Variants in KIF26B observed in about 807,000 individuals in gnomAD.
The protein encoded by KIF26B is kinesin family member 26B, also known as kinesin-like protein KIF26B.
Under a neutral mutation model 151.2 loss-of-function variants are expected in KIF26B, and 63 were observed. The ratio of observed to expected loss-of-function variants is 0.42; its 90% CI spans 0.34 to 0.51. The LOEUF is 0.51. Among genes scored for constraint, KIF26B ranks in the 20% least tolerant of loss-of-function variants. KIF26B has a pLI of 0.07. For synonymous variants in KIF26B, 1,357 were observed against 1,262.1 expected, an observed-to-expected ratio of 1.08 and a Z score of -1.59; for missense variants, 2,813 against 2,913.6, an observed-to-expected ratio of 0.97 and a Z score of 0.79.
intron 4 of KIF26B, among the ~76,000 whole-genome samples, chr1:245,496,033 A>G (rs28415990): frequency 2.8e-4 from 43 of 152,332 alleles, no homozygotes; most frequent in African/African-American, 8.7e-4. Context: ...GAAAGAATCC[A>G]TCATCAGTAG....
intron 2 of KIF26B, among the ~76,000 whole-genome samples, chr1:245,329,446 A>G (rs1272909106): frequency 1.3e-5 from 2 of 152,208 alleles, no homozygotes; most frequent in African/African-American, 4.8e-5. Flanking sequence ...CCTCATCGCC[A>G]CTATCTCTCC....
At chr1:245,642,476 G>A (rs2043902413) in intron 9 of KIF26B, among the ~76,000 whole-genome samples, 1 of 150,682 alleles carries the variant, frequency 6.6e-6, no homozygotes, top group Admixed American at 6.6e-5. Flanking sequence ...CAGGAGAATG[G>A]CATGAACCCA....
chr1:245,591,688 T>A (rs2043290471), intron 5 of KIF26B, among the ~76,000 whole-genome samples: 1 of 152,158 alleles, frequency 6.6e-6, no homozygotes, highest in South Asian at 2.1e-4. Flanking sequence ...AGAACGCCTG[T>A]CTCTGGATGC....
chr1:245,253,312 T>C (rs1325154484), intron 2 of KIF26B, among the ~76,000 whole-genome samples: 2 of 152,074 alleles, frequency 1.3e-5, no homozygotes, highest in Admixed American at 6.6e-5. Flanking sequence ...CCCTGCCTCT[T>C]AATATGTTAA....
At chr1:245,259,320 A>G (rs946318399) in intron 2 of KIF26B, among the ~76,000 whole-genome samples, 1 of 152,106 alleles carries the variant, frequency 6.6e-6, no homozygotes, top group African/African-American at 2.4e-5. Flanking sequence ...CCAATGTCTT[A>G]TCTCACTGGC....
intron 14 of KIF26B, among the ~76,000 whole-genome samples, chr1:245,700,087 A>G (rs2044749406): frequency 6.6e-6 from 1 of 151,848 alleles, no homozygotes; most frequent in South Asian, 2.1e-4. Flanking sequence ...TTCTTGGGAC[A>G]GTCTGTGGAG....
At chr1:245,394,407 G>C (rs1393450332) in intron 3 of KIF26B, among the ~76,000 whole-genome samples, 2 of 152,118 alleles carry the variant, frequency 1.3e-5, no homozygotes, top group East Asian at 3.9e-4. Flanking sequence ...CAGATCACCT[G>C]AGGTCAGGAG....
intron 2 of KIF26B, among the ~76,000 whole-genome samples, chr1:245,212,168 A>G (rs1258097138): frequency 1.3e-5 from 2 of 152,106 alleles, no homozygotes; most frequent in Non-Finnish European, 2.9e-5. Context: ...GTGCTTGGTA[A>G]TTTTACGGTT....
chr1:245,545,726 A>G (rs967327498), intron 5 of KIF26B, among the ~76,000 whole-genome samples: 1 of 152,234 alleles, frequency 6.6e-6, no homozygotes, highest in African/African-American at 2.4e-5. Context: ...CTTAGTCCCC[A>G]TTCATATTTC....
chr1:245,548,336 A>G (rs372280925), intron 5 of KIF26B, among the ~76,000 whole-genome samples: 15 of 152,292 alleles, frequency 9.8e-5, no homozygotes, highest in East Asian at 7.7e-4. Context: ...GGCGCTGAGC[A>G]CTGTGTAGGG....
Position 245,201,417 on chromosome 1 carries a change from C to A in KIF26B, c.465+44734C>A, listed in dbSNP as rs576487638. 6.6e-5 allele frequency among the ~76,000 whole-genome samples: 10 copies of A among 152,322 alleles called. No homozygotes were observed. The South Asian group carries it at 2.1e-3, about 32-fold the overall frequency. ...AAATGCTAGTAAGGGCTTGTGACTG[C>A]GTTCTGAATGCTTAGTATTTTTAGA... On this transcript the variant is annotated intron_variant, in intron 2 of 14. Transcript: ENST00000407071.
chr1:245,192,435 A>AG (rs2103533553), intron 2 of KIF26B, among the ~76,000 whole-genome samples: 1 of 152,262 alleles, frequency 6.6e-6, no homozygotes, highest in South Asian at 2.1e-4. Flanking sequence ...GTTTCCTAAA[A>AG]GGGCATACAT....
chr1:245,598,305 T>C (rs1443374375), intron 5 of KIF26B, among the ~76,000 whole-genome samples: 1 of 152,170 alleles, frequency 6.6e-6, no homozygotes, highest in East Asian at 1.9e-4. Context: ...GAAGCGCTGA[T>C]GGAGTTCTCC....
intron 4 of KIF26B, among the ~76,000 whole-genome samples, chr1:245,441,531 A>G (rs1200433614): frequency 6.6e-6 from 1 of 151,826 alleles, no homozygotes; most frequent in Non-Finnish European, 1.5e-5. Flanking sequence ...CCACTATTTC[A>G]TCCGCCGGCT....
rs114835549 is a variant in KIF26B at position 245,282,607 on chromosome 1, A to G, written c.466-84227A>G. On this transcript the variant is annotated intron_variant, in intron 2 of 14. Transcript: ENST00000407071. ...GAGGGCCAGCTTTTTCCAGGGCTAC[A>G]TCAATGACATGCCCAATCAAACCAA... is the stretch of plus-strand genomic sequence containing the variant. 7.6e-3 allele frequency among the ~76,000 whole-genome samples: 1,156 copies of G among 152,296 alleles called. 13 individuals carry two copies. Among genetic ancestry groups the G allele is most frequent in the South Asian group, 9.9e-3 (48 of 4,828 alleles).
chr1:245,354,952 G>A (rs1295967219), intron 2 of KIF26B, among the ~76,000 whole-genome samples: 1 of 152,034 alleles, frequency 6.6e-6, no homozygotes, highest in Non-Finnish European at 1.5e-5. Flanking sequence ...ACGGAGTCTC[G>A]CTCTGTCACC....
At chr1:245,242,232 T>C in intron 2 of KIF26B, among the ~76,000 whole-genome samples, 1 of 151,768 alleles carries the variant, frequency 6.6e-6, no homozygotes, top group Non-Finnish European at 1.5e-5. Context: ...CTCTATGCCT[T>C]CCCCCCCCAA....
At chr1:245,468,675 T>TAGAG (rs112739819) in intron 4 of KIF26B, among the ~76,000 whole-genome samples, 1,595 of 148,284 alleles carry the variant, frequency 0.011, 18 homozygotes, top group African/African-American at 0.027. Context: ...ACTTACATCT[T>TAGAG]AGAGAGAGAG....
In KIF26B at chr1:245,375,509, A is replaced by G. The variant is rs1194286647; in HGVS notation, c.999+8142A>G. On this transcript the variant is annotated intron_variant, in intron 3 of 14. Coordinates refer to ENST00000407071, the MANE Select transcript of KIF26B (RefSeq NM_018012.4). This position sits in a 1 kb window ranked among gnomAD's most constrained non-coding sequence, Gnocchi z 4.2. ...CAGAGGTCAGAGAGGAGAGAGATACAAATCTGTTGGCTTTGATGATGGAAG... is the reference window on the plus strand; with the variant it reads ...CAGAGGTCAGAGAGGAGAGAGATACGAATCTGTTGGCTTTGATGATGGAAG... Among the ~76,000 whole-genome samples, 1 of 152,166 alleles carries G rather than the reference A, an allele frequency of 6.6e-6. No homozygotes were observed. Among genetic ancestry groups the G allele is most frequent in the East Asian group, 1.9e-4 (1 of 5,180 alleles).
Sources: gnomAD v4.1 joint callset for allele counts (sites outside exome capture counted in the v4.1 genomes callset) on GRCh38, gnomAD v4.1.1 for gene constraint, Gnocchi (gnomAD v3.1) non-coding constraint, MANE v1.5 for transcripts, NCBI Gene and HGNC (gene_info 2026-07-23, HGNC 2026-07-21) for gene names.